The following ARHGEF28 variants were observed in gnomAD, a reference collection of about 807,000 sequenced individuals.
ARHGEF28 encodes 190 kDa guanine nucleotide exchange factor.
Under a neutral mutation model 206.6 loss-of-function variants are expected in ARHGEF28, and 152 were observed. That is an observed-to-expected ratio of 0.74 (90% CI 0.64 to 0.84). The LOEUF (loss-of-function observed/expected upper bound fraction) is 0.84. Ranked by LOEUF, ARHGEF28 falls within the 40% of genes least tolerant of loss-of-function variation. The pLI is 0.00. For missense variants in ARHGEF28, 2,028 were observed against 2,073.2 expected (o/e 0.98, Z 0.42); for synonymous variants, 763 against 776.4 (o/e 0.98, Z 0.29).
intron 9 of ARHGEF28, chr5:73,813,771 G>A (rs1426076467): frequency 3.1e-5 from 41 of 1,342,330 alleles, no homozygotes; most frequent in Non-Finnish European, 3.7e-5. Flanking sequence ...CCAATGTAGC[G>A]CGTGTTTATA....
At chr5:73,699,540 A>G (rs983120333) in intron 2 of ARHGEF28, among the ~76,000 whole-genome samples, 2 of 152,164 alleles carry the variant, frequency 1.3e-5, no homozygotes, top group Non-Finnish European at 2.9e-5. Flanking sequence ...CCACCTTGGA[A>G]TTAGAAATGA....
intron 9 of ARHGEF28, among the ~76,000 whole-genome samples, chr5:73,825,679 G>C (rs561319046): frequency 5.1e-4 from 78 of 152,294 alleles, no homozygotes; most frequent in African/African-American, 1.8e-3. Flanking sequence ...GGCTTGCCTG[G>C]TGTTGCAGTG....
At chr5:73,923,087 G>A (rs868838234) in intron 35 of ARHGEF28, 14 of 1,535,370 alleles carry the variant, frequency 9.1e-6, no homozygotes, top group Non-Finnish European at 1.0e-5. Flanking sequence ...TTGCATTCAG[G>A]CTCCAGTATG....
In ARHGEF28 at chr5:73,852,776, A is replaced by G; in HGVS notation, c.1790+84A>G. 3 of 1,423,624 alleles carry G rather than the reference A, an allele frequency of 2.1e-6. No homozygotes were observed. The South Asian group carries it at 3.4e-5, about 16-fold the overall frequency. 88.2% of individuals were successfully genotyped at this position (1,423,624 alleles called of 1,614,324 possible). A position where few individuals can be genotyped will look rare whatever the true frequency, so the allele number is the denominator to read the frequency against. Reference sequence around the variant, plus strand: ...CACACATCATTTTTGCTATCTGTTCACTAGTTCATGAGAGGTTTCCATGTA... The same window carrying G: ...CACACATCATTTTTGCTATCTGTTCGCTAGTTCATGAGAGGTTTCCATGTA... On this transcript the variant is annotated intron_variant, in intron 14 of 35. Transcript: ENST00000513042.
chr5:73,927,154 A>G (rs1483990205), intron 35 of ARHGEF28, among the ~76,000 whole-genome samples: 1 of 152,052 alleles, frequency 6.6e-6, no homozygotes, highest in Non-Finnish European at 1.5e-5. Context: ...TGAGCCCAGG[A>G]GTTCAAGACC....
At chr5:73,790,018 T>C (rs1754378998) in intron 7 of ARHGEF28, among the ~76,000 whole-genome samples, 2 of 152,234 alleles carry the variant, frequency 1.3e-5, no homozygotes. Flanking sequence ...GATAATCCGG[T>C]AGAAAAGTTT....
At chr5:73,910,696 TTCTC>T (rs1438498648) in intron 34 of ARHGEF28, among the ~76,000 whole-genome samples, 3 of 152,246 alleles carry the variant, frequency 2.0e-5, no homozygotes, top group Admixed American at 2.0e-4. Context: ...GCTGAGCTTC[TTCTC>T]TCTTTGTAAA....
At chr5:73,853,158 A>C (rs906123463) in intron 14 of ARHGEF28, among the ~76,000 whole-genome samples, 8 of 152,264 alleles carry the variant, frequency 5.3e-5, no homozygotes, top group Admixed American at 3.9e-4. Flanking sequence ...AAGACTTTTA[A>C]GCATGATCAG....
intron 35 of ARHGEF28, among the ~76,000 whole-genome samples, chr5:73,919,149 T>C (rs543147084): frequency 3.3e-5 from 5 of 152,304 alleles, no homozygotes. Context: ...GAGCATCAGC[T>C]TCCTTCCTAC....
chr5:73,684,211 G>A (rs1747295633), intron 1 of ARHGEF28, among the ~76,000 whole-genome samples: 1 of 152,058 alleles, frequency 6.6e-6, no homozygotes, highest in South Asian at 2.1e-4. Flanking sequence ...AAACTCTATG[G>A]CCATTAAATA....
intron 2 of ARHGEF28, among the ~76,000 whole-genome samples, chr5:73,691,514 A>C (rs974731682): frequency 1.3e-5 from 2 of 152,160 alleles, no homozygotes; most frequent in African/African-American, 4.8e-5. Context: ...CTCAGACCTC[A>C]TGCTGGACCT....
chr5:73,854,169 C>T (rs114922915), intron 14 of ARHGEF28, among the ~76,000 whole-genome samples: 4,132 of 152,106 alleles, frequency 0.027, 79 homozygotes, highest in Non-Finnish European at 0.041. Context: ...GCTATCTTAT[C>T]TTGTTGGATA....
chr5:73,919,878 G>A (rs190210299), intron 35 of ARHGEF28, among the ~76,000 whole-genome samples: 19 of 152,314 alleles, frequency 1.2e-4, no homozygotes, highest in African/African-American at 4.6e-4. Flanking sequence ...ATTATATGGG[G>A]TAATAATTTA....
At chr5:73,844,075 C>T (rs1308149890) in intron 11 of ARHGEF28, among the ~76,000 whole-genome samples, 1 of 152,130 alleles carries the variant, frequency 6.6e-6, no homozygotes, top group East Asian at 1.9e-4. Context: ...AAACAAGAAC[C>T]TAGAGGTTAT....
At chr5:73,628,860 G>A (rs1264357226) in intron 1 of ARHGEF28, among the ~76,000 whole-genome samples, 1 of 151,936 alleles carries the variant, frequency 6.6e-6, no homozygotes, top group African/African-American at 2.4e-5. Flanking sequence ...AGAGCATTTT[G>A]CTCCATTTGT....
intron 29 of ARHGEF28, 67 bp downstream of exon 29, chr5:73,894,642 G>A: frequency 6.5e-7 from 1 of 1,532,044 alleles, no homozygotes; most frequent in Non-Finnish European, 8.8e-7. Context: ...CCTGCTAAGT[G>A]CCATGCACTG....
intron 1 of ARHGEF28, among the ~76,000 whole-genome samples, chr5:73,668,932 C>A (rs1408210219): frequency 1.3e-5 from 2 of 152,134 alleles, no homozygotes; most frequent in East Asian, 1.9e-4. Context: ...TCAGTAAATT[C>A]TTGCTGCCTT....
chr5:73,644,499 G>A (rs945186775), intron 1 of ARHGEF28, among the ~76,000 whole-genome samples: 8 of 152,130 alleles, frequency 5.3e-5, no homozygotes, highest in African/African-American at 9.7e-5. Flanking sequence ...GAGCATGTCC[G>A]TTTTCCACTT....
At chr5:73,788,210 T>A (rs1580618602) in intron 7 of ARHGEF28, among the ~76,000 whole-genome samples, 2 of 152,250 alleles carry the variant, frequency 1.3e-5, no homozygotes, top group Non-Finnish European at 2.9e-5. Flanking sequence ...TTAGTTTCTT[T>A]CTTGAGTTAA....
Sources: allele counts gnomAD v4.1 joint callset (sites outside exome capture counted in the v4.1 genomes callset), GRCh38; gene constraint gnomAD v4.1.1; transcripts MANE v1.5; gene names NCBI Gene and HGNC (gene_info 2026-07-23, HGNC 2026-07-21).